PRKCE: variants seen among roughly 807,000 people sequenced by gnomAD.
PRKCE encodes the protein protein kinase C epsilon type.
A neutral mutation model predicts 85.4 loss-of-function variants in PRKCE; 16 were observed. The ratio of observed to expected loss-of-function variants is 0.19; its 90% CI spans 0.13 to 0.28. The LOEUF (loss-of-function observed/expected upper bound fraction) is 0.28, where lower values mean the gene tolerates loss of function less well. Among genes scored for constraint, PRKCE ranks in the 10% least tolerant of loss-of-function variants. The pLI, the probability that PRKCE is intolerant of heterozygous loss-of-function variation, is 1.00. For synonymous variants in PRKCE, 388 were observed against 371.5 expected (o/e 1.04, Z -0.51); for missense variants, 573 against 975.2 (o/e 0.59, Z 5.49).
At position 45,990,869 on chromosome 2, in the gene PRKCE, C is replaced by T. The variant is rs564311498; in HGVS notation, c.823+6189C>T. Among the ~76,000 whole-genome samples the T allele has an allele frequency of 2.6e-5, 4 of 152,118 alleles. No individual in the cohort carries two copies. In the East Asian group the frequency reaches 7.7e-4, roughly 29 times the overall value. On this transcript the variant is annotated intron_variant, in intron 6 of 14. Coordinates refer to ENST00000306156, the MANE Select transcript of PRKCE (RefSeq NM_005400.3). The stretch of plus-strand genomic sequence containing the variant: ...TAGAGACAGGGTTTCACCATGTTGG[C>T]CAGGCTGGTCTCAAACTCCTGACCT...
chr2:45,688,170 A>T (rs1242092517), intron 1 of PRKCE, among the ~76,000 whole-genome samples: 1 of 152,226 alleles, frequency 6.6e-6, no homozygotes, highest in African/African-American at 2.4e-5. Flanking sequence ...GTCCATCAGC[A>T]TAATTATAGG....
chr2:45,773,089 G>C (rs1362412823), intron 1 of PRKCE, among the ~76,000 whole-genome samples: 1 of 152,162 alleles, frequency 6.6e-6, no homozygotes, highest in Non-Finnish European at 1.5e-5. Flanking sequence ...TTAGGCACTG[G>C]CTGCATAGCC....
At chr2:46,056,602 C>G (rs1293781185) in intron 10 of PRKCE, among the ~76,000 whole-genome samples, 1 of 152,142 alleles carries the variant, frequency 6.6e-6, no homozygotes, top group Non-Finnish European at 1.5e-5. Flanking sequence ...TAGATCTTTT[C>G]CTCTTGAATG....
chr2:46,045,496 C>A (rs193193164), intron 10 of PRKCE, among the ~76,000 whole-genome samples: 1 of 152,338 alleles, frequency 6.6e-6, no homozygotes, highest in Non-Finnish European at 1.5e-5. Context: ...GCAGGAGCTT[C>A]TCAGGCTCCA....
intron 1 of PRKCE, among the ~76,000 whole-genome samples, chr2:45,807,592 C>T (rs973427360): frequency 5.3e-5 from 8 of 152,232 alleles, no homozygotes; most frequent in Non-Finnish European, 1.0e-4. Context: ...ACTTCCACTC[C>T]GTTTCCATTT....
chr2:45,931,759 T>C (rs1344301728), intron 2 of PRKCE, among the ~76,000 whole-genome samples: 1 of 152,088 alleles, frequency 6.6e-6, no homozygotes, highest in East Asian at 1.9e-4. Context: ...CAGGCTGGAG[T>C]GCAGTGGCGC....
At chr2:45,865,649 C>T (rs994245052) in intron 2 of PRKCE, among the ~76,000 whole-genome samples, 2 of 152,124 alleles carry the variant, frequency 1.3e-5, no homozygotes, top group African/African-American at 2.4e-5. Flanking sequence ...CAGCATTCAG[C>T]CTGCTTGCCT....
intron 2 of PRKCE, among the ~76,000 whole-genome samples, chr2:45,848,233 G>A (rs556717932): frequency 5.9e-5 from 9 of 152,238 alleles, no homozygotes; most frequent in East Asian, 5.8e-4. Flanking sequence ...TAAATTCTAC[G>A]TTAATAATCC....
intron 11 of PRKCE, among the ~76,000 whole-genome samples, chr2:46,134,428 C>T (rs1254588002): frequency 6.6e-6 from 1 of 152,222 alleles, no homozygotes; most frequent in East Asian, 1.9e-4. Context: ...CACAAAGGGC[C>T]TCTCACACCA....
rs1160330093 is a variant in PRKCE, at chr2:46,068,111, A to T, written c.1438-18097A>T. On this transcript the variant is annotated intron_variant, in intron 10 of 14. Coordinates refer to ENST00000306156, the MANE Select transcript of PRKCE (RefSeq NM_005400.3). The surrounding 1 kb of genome is among the most constrained non-coding windows in gnomAD (Gnocchi z 4.3). ...GGGGGTTTGTCTGCACTTTTACATT[A>T]TCAGTGGGTAGAATCTCCCTTTGAG... 1.3e-5 allele frequency among the ~76,000 whole-genome samples: 2 copies of T among 152,154 alleles called. No homozygotes were observed. The highest frequency in any genetic ancestry group is 2.9e-5 in the Non-Finnish European group (2 of 68,014).
chr2:45,993,967 G>A (rs984937639), intron 6 of PRKCE, among the ~76,000 whole-genome samples: 1 of 152,008 alleles, frequency 6.6e-6, no homozygotes, highest in Non-Finnish European at 1.5e-5. Context: ...TAGCCCAATG[G>A]GCATCTTGGG....
intron 11 of PRKCE, among the ~76,000 whole-genome samples, chr2:46,100,089 T>A (rs886125455): frequency 9.9e-5 from 15 of 152,198 alleles, no homozygotes. Context: ...AGCTCTGTGA[T>A]CCTAAGATTG....
chr2:45,865,096 G>C (rs535015462), intron 2 of PRKCE, among the ~76,000 whole-genome samples: 1 of 152,212 alleles, frequency 6.6e-6, no homozygotes, highest in South Asian at 2.1e-4. Context: ...TGGGGAACTT[G>C]TTAAAATGCG....
intron 14 of PRKCE, among the ~76,000 whole-genome samples, chr2:46,181,987 G>A (rs890054858): frequency 6.6e-6 from 1 of 152,148 alleles, no homozygotes; most frequent in African/African-American, 2.4e-5. Flanking sequence ...ACATACCTGG[G>A]CAAGGCTCGT....
chr2:45,905,938 A>C lies in PRKCE; in HGVS notation c.412+62875A>C, dbSNP rs1186354688. Among the ~76,000 whole-genome samples the C allele has an allele frequency of 6.6e-6, 1 of 152,146 alleles. No homozygotes were observed. Among genetic ancestry groups the C allele is most frequent in the South Asian group, 2.1e-4 (1 of 4,820 alleles). ...TGTGCGGGGTATGGTGTCTGCCCAC[A>C]TGAAGGGCCGGGGTGGGCAGGCTAT... On this transcript the variant is annotated intron_variant, in intron 2 of 14. Coordinates refer to ENST00000306156, the MANE Select transcript of PRKCE (RefSeq NM_005400.3). This position sits in a 1 kb window ranked among gnomAD's most constrained non-coding sequence, Gnocchi z 4.4.
chr2:45,958,770 C>G (rs1186187047), intron 2 of PRKCE, among the ~76,000 whole-genome samples: 3 of 111,266 alleles, frequency 2.7e-5, no homozygotes, highest in Non-Finnish European at 5.2e-5. Context: ...CACCATTTTT[C>G]CCTTCCTCTG....
intron 11 of PRKCE, among the ~76,000 whole-genome samples, chr2:46,142,357 C>T (rs7563086): frequency 0.11 from 17,502 of 152,208 alleles, 1,506 homozygotes; most frequent in African/African-American, 0.23. Flanking sequence ...TCCTAACAAT[C>T]GCCCTTCTGG....
chr2:46,076,391 C>T (rs1478776426), intron 10 of PRKCE, among the ~76,000 whole-genome samples: 2 of 152,124 alleles, frequency 1.3e-5, no homozygotes, highest in South Asian at 2.1e-4. Context: ...TCTTCTTTCC[C>T]GTGGCTTTCA....
At chr2:45,912,238 T>A (rs975408738) in intron 2 of PRKCE, among the ~76,000 whole-genome samples, 1 of 152,096 alleles carries the variant, frequency 6.6e-6, no homozygotes, top group Non-Finnish European at 1.5e-5. Flanking sequence ...GAAGGTGTTA[T>A]CCCGTGACAG....
Sources: allele counts gnomAD v4.1 joint callset (sites outside exome capture counted in the v4.1 genomes callset), GRCh38; gene constraint gnomAD v4.1.1; non-coding constraint Gnocchi (gnomAD v3.1); transcripts MANE v1.5; gene names NCBI Gene and HGNC (gene_info 2026-07-23, HGNC 2026-07-21).